The following TMEM181 variants were observed in gnomAD, a reference collection of about 807,000 sequenced individuals.
TMEM181 encodes the protein G protein-coupled receptor 178.
TMEM181 carries 39 observed loss-of-function variants against 71.9 expected under a neutral mutation model. That is an observed-to-expected ratio of 0.54 (90% CI 0.42 to 0.71). The LOEUF (loss-of-function observed/expected upper bound fraction) is 0.71. TMEM181 is among the 30% of genes least tolerant of loss of function. The pLI is 0.00. For synonymous variants in TMEM181, 245 were observed against 228.8 expected (o/e 1.07, Z -0.64); for missense variants, 595 against 583.0 (o/e 1.02, Z -0.21).
exon 1 of TMEM181, chr6:158,536,698 T>G: frequency 6.4e-7 from 1 of 1,552,844 alleles, no homozygotes; most frequent in Non-Finnish European, 8.7e-7. Context: ...ACACAAAGGG[T>G]GGAGCGGCGG....
chr6:158,631,672 G>C, intron 16 of TMEM181, 138 bp from the exon 17 acceptor site: 6 of 995,188 alleles, frequency 6.0e-6, no homozygotes, highest in Non-Finnish European at 9.1e-6. Flanking sequence ...AGGACGGGGT[G>C]AGCAGTAGCA....
At chr6:158,603,563 C>T (rs536530777) in intron 6 of TMEM181, among the ~76,000 whole-genome samples, 2 of 149,728 alleles carry the variant, frequency 1.3e-5, no homozygotes, top group East Asian at 2.0e-4. Context: ...CAAAGCTTCC[C>T]GATGCTATGT....
intron 15 of TMEM181, among the ~76,000 whole-genome samples, chr6:158,630,121 A>G (rs1433001441): frequency 6.6e-6 from 1 of 152,218 alleles, no homozygotes; most frequent in Non-Finnish European, 1.5e-5. Flanking sequence ...AGCAATGCAC[A>G]TTCAGGAGAA....
chr6:158,536,834 C>A, exon 1 of TMEM181: 1 of 1,540,324 alleles, frequency 6.5e-7, no homozygotes, highest in Non-Finnish European at 8.7e-7. Context: ...CAAGGAGGAC[C>A]TCACGCCCTT....
At chr6:158,579,807 A>G (rs1783373447) in intron 2 of TMEM181, among the ~76,000 whole-genome samples, 1 of 152,218 alleles carries the variant, frequency 6.6e-6, no homozygotes. Context: ...TACTAAGTAA[A>G]ATAAGCCATT....
intron 11 of TMEM181, 89 bp downstream of exon 11, chr6:158,623,696 G>C: frequency 2.1e-6 from 2 of 950,056 alleles, no homozygotes; most frequent in Non-Finnish European, 3.2e-6. Flanking sequence ...GTTCTGTTGA[G>C]CTTTTTGCTA....
intron 1 of TMEM181, among the ~76,000 whole-genome samples, chr6:158,553,640 T>C (rs1781785631): frequency 6.6e-6 from 1 of 152,252 alleles, no homozygotes. Flanking sequence ...TGAAGACCAA[T>C]ATAAAACTGT....
intron 6 of TMEM181, among the ~76,000 whole-genome samples, chr6:158,602,378 T>G (rs772165584): frequency 5.3e-5 from 8 of 152,224 alleles, no homozygotes; most frequent in African/African-American, 1.9e-4. Context: ...TGTGGACATA[T>G]GCTTTCATTT....
chr6:158,570,693 C>T (rs1174923666), intron 1 of TMEM181, among the ~76,000 whole-genome samples: 1 of 151,750 alleles, frequency 6.6e-6, no homozygotes, highest in Non-Finnish European at 1.5e-5. Flanking sequence ...CTCCTCTGGG[C>T]AAGCCCTGTG....
chr6:158,584,012 T>C lies in TMEM181; in HGVS notation c.227T>C (p.Leu76Pro). The C allele has an allele frequency of 6.2e-7, 1 of 1,612,432 alleles. No homozygotes were observed. Among genetic ancestry groups the C allele is most frequent in the Non-Finnish European group, 8.5e-7 (1 of 1,179,078 alleles). ...PLSTYNQQLW[L>P]TCVVELDQSK... is the part of the protein sequence containing the mutation. ...TCTACATACAATCAGCAACTATGGC[T>C]GACATGTGTTGTTGAGTTGGATCAA... is the stretch of plus-strand genomic sequence containing the variant. The change falls in exon 4 of 17, where the codon CTG (leucine) becomes CCG (proline). Residue 76 changes from leucine to proline, a missense_variant. Transcript: ENST00000684151.
At chr6:158,562,453 T>TGTGTGTGTGTGC (rs1190357756) in intron 1 of TMEM181, among the ~76,000 whole-genome samples, 1 of 143,354 alleles carries the variant, frequency 7.0e-6, no homozygotes, top group African/African-American at 2.5e-5. Context: ...TTTTTGTGTG[T>TGTGTGTGTGTGC]GTGTGTGTGT....
chr6:158,541,784 G>A (rs1263908698), intron 1 of TMEM181, among the ~76,000 whole-genome samples: 1 of 151,322 alleles, frequency 6.6e-6, no homozygotes. Flanking sequence ...TTTTCTCCTT[G>A]TTTTCAAGTT....
At chr6:158,618,113 A>G (rs555614244) in intron 10 of TMEM181, among the ~76,000 whole-genome samples, 3 of 152,284 alleles carry the variant, frequency 2.0e-5, no homozygotes, top group South Asian at 2.1e-4. Flanking sequence ...GTGGAAGTCT[A>G]AGTCTCTTTG....
intron 6 of TMEM181, among the ~76,000 whole-genome samples, chr6:158,598,378 T>A (rs755971266): frequency 4.6e-4 from 70 of 152,296 alleles, no homozygotes; most frequent in Admixed American, 1.2e-3. Flanking sequence ...GCCATGACCT[T>A]TGACTGGGGA....
intron 14 of TMEM181, among the ~76,000 whole-genome samples, chr6:158,629,502 T>A (rs77889734): frequency 0.018 from 2,785 of 152,260 alleles, 98 homozygotes; most frequent in African/African-American, 0.064. Flanking sequence ...TCCACTGATG[T>A]GAGAGGCCAT....
chr6:158,544,066 G>C (rs976026254), intron 1 of TMEM181, among the ~76,000 whole-genome samples: 13 of 152,140 alleles, frequency 8.5e-5, no homozygotes. Flanking sequence ...GGAGATAGCA[G>C]ACTGATAGTG....
intron 11 of TMEM181, among the ~76,000 whole-genome samples, chr6:158,624,297 C>CT (rs748303509): frequency 2.6e-5 from 4 of 152,232 alleles, no homozygotes; most frequent in Non-Finnish European, 4.4e-5. Context: ...AGTCCCTTTG[C>CT]TTTACGTAAG....
At chr6:158,593,660 GTTTGTATGTCTTTTATAAAATTGCT>G (rs1243327937) in intron 6 of TMEM181, among the ~76,000 whole-genome samples, 1 of 152,196 alleles carries the variant, frequency 6.6e-6, no homozygotes, top group African/African-American at 2.4e-5. Context: ...TATGCAAAGT[GTTTGTATGTCTTTTATAAAATTGCT>G]GTTGAAGACA....
At chr6:158,560,054 C>A (rs1782064311), upstream of TMEM181, 1 of 985,118 alleles carries the variant, frequency 1.0e-6, no homozygotes, top group African/African-American at 1.7e-5. Flanking sequence ...CCGTGAGAGT[C>A]GCTTCCGCGC....
Sources: gnomAD v4.1 joint callset for allele counts (sites outside exome capture counted in the v4.1 genomes callset) on GRCh38, gnomAD v4.1.1 for gene constraint, MANE v1.5 for transcripts, NCBI Gene and HGNC (gene_info 2026-07-23, HGNC 2026-07-21) for gene names.